Variants in NELL1 observed in about 807,000 individuals in gnomAD.
NELL1 encodes the protein protein kinase C-binding protein NELL1.
NELL1 carries 76 observed loss-of-function variants against 107.4 expected under a neutral mutation model. That is an observed-to-expected ratio of 0.71 (90% CI 0.59 to 0.86). The LOEUF is 0.86. NELL1 is among the 40% of genes least tolerant of loss of function. The probability of loss-of-function intolerance (pLI) is 0.00; values close to 1 mark genes in which losing one functional copy is unlikely to be tolerated. For missense variants in NELL1, 1,024 were observed against 1,005.5 expected (o/e 1.02, Z -0.25); for synonymous variants, 353 against 341.2 (o/e 1.03, Z -0.38).
chr11:21,081,196 G>A (rs570397850), intron 12 of NELL1, among the ~76,000 whole-genome samples: 20 of 152,172 alleles, frequency 1.3e-4, no homozygotes, highest in Middle Eastern at 3.4e-3. Context: ...TGTCTCAGTA[G>A]CATTTGACCT....
intron 15 of NELL1, among the ~76,000 whole-genome samples, chr11:21,390,538 CGTG>C (rs1851850281): frequency 1.3e-5 from 2 of 150,704 alleles, no homozygotes; most frequent in South Asian, 2.1e-4. Flanking sequence ...CACACACACA[CGTG>C]CGCACGCACC....
At chr11:21,116,399 G>A (rs548324249) in intron 13 of NELL1, among the ~76,000 whole-genome samples, 2 of 152,026 alleles carry the variant, frequency 1.3e-5, no homozygotes, top group Middle Eastern at 3.4e-3. Context: ...CAATCTTAGA[G>A]CTTTAATAGT....
intron 12 of NELL1, among the ~76,000 whole-genome samples, chr11:21,069,461 T>C (rs1853959008): frequency 6.6e-6 from 1 of 152,162 alleles, no homozygotes; most frequent in South Asian, 2.1e-4. Flanking sequence ...ACACTACTGA[T>C]GGCTGGCACC....
rs184855704 is a variant in NELL1, at chr11:21,017,738, A to G, written c.1300+57178A>G. 1.4e-4 allele frequency among the ~76,000 whole-genome samples: 21 copies of G among 152,238 alleles called. No homozygotes were observed. The East Asian group carries it at 3.7e-3, about 27-fold the overall frequency. On this transcript the variant is annotated intron_variant, in intron 12 of 19. Transcript: ENST00000357134. ...ACTCTCAGTCTTGCTTGCATAATAT[A>G]TCCATTCCTTATTTTATTAGAGGAA... is the stretch of plus-strand genomic sequence containing the variant.
intron 14 of NELL1, among the ~76,000 whole-genome samples, chr11:21,335,664 G>A (rs898611648): frequency 2.0e-5 from 3 of 152,024 alleles, no homozygotes; most frequent in Non-Finnish European, 2.9e-5. Context: ...GTCAAATAAA[G>A]CTTATGACAT....
chr11:21,371,142 C>T (rs899301428), intron 15 of NELL1, among the ~76,000 whole-genome samples, 194 bp downstream of exon 15: 11 of 152,048 alleles, frequency 7.2e-5, no homozygotes, highest in Admixed American at 3.9e-4. Context: ...GAGCTTCATT[C>T]GCCTTCCCTC....
At chr11:21,158,987 T>C (rs2133796881) in intron 13 of NELL1, among the ~76,000 whole-genome samples, 1 of 152,324 alleles carries the variant, frequency 6.6e-6, no homozygotes, top group Non-Finnish European at 1.5e-5. Context: ...TGCTATTTAA[T>C]ATAGCATGCA....
At chr11:21,185,293 CTTTTTT>C (rs11446941) in intron 13 of NELL1, among the ~76,000 whole-genome samples, 1 of 118,498 alleles carries the variant, frequency 8.4e-6, no homozygotes, top group African/African-American at 3.2e-5. Context: ...ATTCCAGTAT[CTTTTTT>C]TTTTTTTTTT....
intron 11 of NELL1, among the ~76,000 whole-genome samples, chr11:20,951,691 C>G (rs1851071303): frequency 6.6e-6 from 1 of 152,110 alleles, no homozygotes. Context: ...AGGGAAGAAA[C>G]ACGCAAAGGG....
chr11:21,170,945 T>C (rs930227732), intron 13 of NELL1, among the ~76,000 whole-genome samples: 1 of 151,844 alleles, frequency 6.6e-6, no homozygotes, highest in African/African-American at 2.4e-5. Flanking sequence ...TTCATATAAA[T>C]TATTGATTCT....
At chr11:21,569,705 G>C (rs890585163) in intron 17 of NELL1, among the ~76,000 whole-genome samples, 1 of 151,812 alleles carries the variant, frequency 6.6e-6, no homozygotes, top group African/African-American at 2.4e-5. Context: ...TCAATGGATA[G>C]AAGTAATGAG....
chr11:21,419,013 G>A (rs1053113001), intron 15 of NELL1, among the ~76,000 whole-genome samples: 1 of 152,080 alleles, frequency 6.6e-6, no homozygotes, highest in Non-Finnish European at 1.5e-5. Context: ...GAGAGGGAGG[G>A]TCTCTACGCT....
At chr11:21,154,183 A>G (rs1410369955) in intron 13 of NELL1, among the ~76,000 whole-genome samples, 3 of 152,208 alleles carry the variant, frequency 2.0e-5, no homozygotes, top group Admixed American at 6.6e-5. Context: ...TGAAGTTTGT[A>G]TAATGAATTG....
intron 11 of NELL1, among the ~76,000 whole-genome samples, chr11:20,956,427 A>G (rs1281012742): frequency 6.6e-6 from 1 of 151,868 alleles, no homozygotes; most frequent in Non-Finnish European, 1.5e-5. Context: ...CGGGTAGATC[A>G]CGAGGTCAGG....
chr11:21,361,822 A>C (rs532485814), intron 14 of NELL1, among the ~76,000 whole-genome samples: 1 of 152,094 alleles, frequency 6.6e-6, no homozygotes, highest in African/African-American at 2.4e-5. Context: ...TATTCCTTTC[A>C]TTTCTAGAAG....
At chr11:21,076,019 A>G (rs996491775) in intron 12 of NELL1, among the ~76,000 whole-genome samples, 2 of 152,234 alleles carry the variant, frequency 1.3e-5, no homozygotes, top group Admixed American at 6.5e-5. Context: ...AAACACATAC[A>G]TAACTGGACA....
chr11:20,677,905 C>A, intron 1 of NELL1, 27 bp from the exon 2 acceptor site: 1 of 1,612,436 alleles, frequency 6.2e-7, no homozygotes, highest in Non-Finnish European at 8.5e-7. Flanking sequence ...GCATTTTAAG[C>A]CCAAACAACT....
At chr11:20,726,172 G>A (rs1855503867) in intron 2 of NELL1, among the ~76,000 whole-genome samples, 1 of 152,164 alleles carries the variant, frequency 6.6e-6, no homozygotes, top group Non-Finnish European at 1.5e-5. Flanking sequence ...TTTAGTCCAT[G>A]TCTTTGCCAT....
intron 12 of NELL1, among the ~76,000 whole-genome samples, chr11:21,104,146 C>T (rs564882815): frequency 6.6e-6 from 1 of 152,272 alleles, no homozygotes; most frequent in East Asian, 1.9e-4. Flanking sequence ...TGGAAGCACT[C>T]ACTGGGTTTG....
Sources: allele counts gnomAD v4.1 joint callset (sites outside exome capture counted in the v4.1 genomes callset), GRCh38; gene constraint gnomAD v4.1.1; transcripts MANE v1.5; gene names NCBI Gene and HGNC (gene_info 2026-07-23, HGNC 2026-07-21).